TGFBRAP1: variants seen among roughly 807,000 people sequenced by gnomAD.
The protein encoded by TGFBRAP1 is transforming growth factor beta receptor associated protein 1.
TGFBRAP1 carries 20 observed loss-of-function variants against 83.2 expected under a neutral mutation model. The ratio of observed to expected loss-of-function variants is 0.24; its 90% CI spans 0.17 to 0.35. The LOEUF (loss-of-function observed/expected upper bound fraction) is 0.35. TGFBRAP1 is among the 10% of genes least tolerant of loss of function. TGFBRAP1 has a pLI of 1.00. For missense variants in TGFBRAP1, 950 were observed against 1,099.4 expected (o/e 0.86, Z 1.92); for synonymous variants, 415 against 459.8 (o/e 0.90, Z 1.25).
At chr2:105,253,000 C>T in the TGFBRAP1 span, among the ~76,000 whole-genome samples, 13 of 152,188 alleles carry the variant, frequency 8.5e-5, no homozygotes, top group East Asian at 9.7e-4. Flanking sequence ...GTGATCTGCC[C>T]GCCTCAGCCT....
At chr2:105,323,725 A>G (rs1679135805) in intron 1 of TGFBRAP1, among the ~76,000 whole-genome samples, 1 of 152,154 alleles carries the variant, frequency 6.6e-6, no homozygotes, top group African/African-American at 2.4e-5. Flanking sequence ...ACTAGAAAAC[A>G]AACTGCCAAA....
At chr2:105,277,934 C>T (rs774947853) in intron 6 of TGFBRAP1, among the ~76,000 whole-genome samples, 1 of 152,162 alleles carries the variant, frequency 6.6e-6, no homozygotes, top group Non-Finnish European at 1.5e-5. Flanking sequence ...GGGCACACAT[C>T]TGTAGTCCCA....
downstream of TGFBRAP1, among the ~76,000 whole-genome samples, chr2:105,263,628 A>T (rs1248890110): frequency 6.6e-6 from 1 of 152,216 alleles, no homozygotes; most frequent in Admixed American, 6.5e-5. Flanking sequence ...CTGTAATCCC[A>T]GCATTTTAGG....
intron 9 of TGFBRAP1, 87 bp from the exon 10 acceptor site, chr2:105,273,101 A>G: frequency 6.6e-7 from 1 of 1,524,390 alleles, no homozygotes; most frequent in Non-Finnish European, 8.8e-7. Flanking sequence ...GGGCTTGGAG[A>G]CCGCGGCTGC....
the TGFBRAP1 span, among the ~76,000 whole-genome samples, chr2:105,252,442 C>A: frequency 5.7e-4 from 87 of 152,284 alleles, no homozygotes; most frequent in African/African-American, 2.0e-3. Context: ...AAAGTCCTTT[C>A]CCCCTTGCAG....
intron 4 of TGFBRAP1, among the ~76,000 whole-genome samples, chr2:105,295,457 T>C (rs1678050197): frequency 6.6e-6 from 1 of 152,212 alleles, no homozygotes. Context: ...AGACCCGATT[T>C]ATATCAATTG....
chr2:105,270,222 A>T (rs532275881), intron 10 of TGFBRAP1, among the ~76,000 whole-genome samples: 26 of 152,342 alleles, frequency 1.7e-4, no homozygotes, highest in Non-Finnish European at 3.4e-4. Flanking sequence ...TTCAAAATCC[A>T]TCTCTACATT....
intron 1 of TGFBRAP1, among the ~76,000 whole-genome samples, chr2:105,317,107 A>T (rs1167687909): frequency 6.6e-6 from 1 of 152,216 alleles, no homozygotes; most frequent in Non-Finnish European, 1.5e-5. Flanking sequence ...ATACAAGTAC[A>T]GTATTTGTAT....
intron 1 of TGFBRAP1, among the ~76,000 whole-genome samples, chr2:105,317,176 C>A (rs113910016): frequency 0.013 from 2,046 of 151,654 alleles, 18 homozygotes; most frequent in Middle Eastern, 0.024. Flanking sequence ...TAGTGGCTCA[C>A]GCCTGTAATC....
chr2:105,261,888 T>C (rs1295156230), downstream of TGFBRAP1, among the ~76,000 whole-genome samples: 1 of 151,926 alleles, frequency 6.6e-6, no homozygotes, highest in East Asian at 1.9e-4. Context: ...AGGAGTAGAG[T>C]GGGCTAGAGT....
intron 2 of TGFBRAP1, among the ~76,000 whole-genome samples, chr2:105,304,238 AT>A (rs974788829): frequency 6.6e-6 from 1 of 152,216 alleles, no homozygotes; most frequent in Admixed American, 6.5e-5. Flanking sequence ...GATGTCTGGG[AT>A]TTGCCTCAAA....
chr2:105,269,072 C>T lies in TGFBRAP1; in HGVS notation c.2406+200G>A, dbSNP rs1165155918. On this transcript the variant is annotated intron_variant, in intron 11 of 11. Transcript: ENST00000393359. This position sits in a 1 kb window ranked among gnomAD's most constrained non-coding sequence, Gnocchi z 4.1. The stretch of plus-strand genomic sequence containing the variant: ...CGTCCAAAAGGGGAGAAAAACTACA[C>T]CGATGTTACACCTACCAGCCCAGCC... Among the ~76,000 whole-genome samples the T allele has an allele frequency of 6.6e-6, 1 of 152,226 alleles. No individual in the cohort carries two copies. The highest frequency in any genetic ancestry group is 6.5e-5 in the Admixed American group (1 of 15,286).
chr2:105,282,811 A>C (rs1573174592), intron 5 of TGFBRAP1, among the ~76,000 whole-genome samples: 1 of 149,174 alleles, frequency 6.7e-6, no homozygotes, highest in South Asian at 2.2e-4. Context: ...GGGAGACAGA[A>C]TGAGATGCTG....
chr2:105,279,836 T>C (rs1677470976), intron 6 of TGFBRAP1, among the ~76,000 whole-genome samples: 1 of 151,950 alleles, frequency 6.6e-6, no homozygotes, highest in African/African-American at 2.4e-5. Context: ...TCAGGAGTTC[T>C]AGACCAGCCT....
intron 5 of TGFBRAP1, among the ~76,000 whole-genome samples, chr2:105,283,921 C>T (rs1466253197): frequency 6.6e-6 from 1 of 152,138 alleles, no homozygotes. Context: ...TGTCTTTTCC[C>T]CCCTGCACTA....
At chr2:105,258,144 T>C in the TGFBRAP1 span, among the ~76,000 whole-genome samples, 346 of 152,214 alleles carry the variant, frequency 2.3e-3, 1 homozygote, top group Non-Finnish European at 3.7e-3. Context: ...AAACTTGGAG[T>C]AAGTCACTGC....
Position 105,269,253 on chromosome 2 carries a change from C to G in TGFBRAP1, c.2406+19G>C. 5 of 1,563,712 alleles carry G rather than the reference C, an allele frequency of 3.2e-6. No individual in the cohort carries two copies. The highest frequency in any genetic ancestry group is 4.4e-6 in the Non-Finnish European group (5 of 1,148,312). On this transcript the variant is annotated intron_variant, in intron 11 of 11. Transcript: ENST00000393359. This position sits in a 1 kb window ranked among gnomAD's most constrained non-coding sequence, Gnocchi z 4.1. ...AATGTTGACTGACCAGGAAGCAGCT[C>G]GTGGGGGCCAGCACTTACCTTATCG...
intron 5 of TGFBRAP1, among the ~76,000 whole-genome samples, chr2:105,281,746 T>C (rs543211844): frequency 1.3e-4 from 20 of 152,334 alleles, no homozygotes; most frequent in African/African-American, 4.8e-4. Context: ...GTTGCCAGTT[T>C]GTACATTTCA....
downstream of TGFBRAP1, among the ~76,000 whole-genome samples, chr2:105,261,677 G>A (rs779077873): frequency 3.9e-5 from 6 of 152,186 alleles, no homozygotes; most frequent in South Asian, 2.1e-4. Context: ...GCTTGAACCC[G>A]GGAGGTAGAA....
Sources: allele counts gnomAD v4.1 joint callset (sites outside exome capture counted in the v4.1 genomes callset), GRCh38; gene constraint gnomAD v4.1.1; non-coding constraint Gnocchi (gnomAD v3.1); transcripts MANE v1.5; gene names NCBI Gene and HGNC (gene_info 2026-07-23, HGNC 2026-07-21).